The following PIK3C2G variants were observed in gnomAD, a reference collection of about 807,000 sequenced individuals.
PIK3C2G encodes the protein phosphatidylinositol-4-phosphate 3-kinase catalytic subunit type 2 gamma, also known as phosphatidylinositol 3-kinase C2 domain-containing subunit gamma.
A neutral mutation model predicts 181.1 loss-of-function variants in PIK3C2G; 168 were observed. The observed-to-expected ratio is 0.93, with a 90% CI of 0.82 to 1.05. The LOEUF (loss-of-function observed/expected upper bound fraction) is 1.05. Ranked by LOEUF, PIK3C2G falls within the 50% of genes least tolerant of loss-of-function variation. The pLI is 0.00. For synonymous variants in PIK3C2G, 573 were observed against 592.2 expected (o/e 0.97, Z 0.47); for missense variants, 1,869 against 1,732.8 (o/e 1.08, Z -1.40).
the PIK3C2G span, among the ~76,000 whole-genome samples, chr12:18,717,711 T>C: frequency 6.6e-6 from 1 of 152,140 alleles, no homozygotes; most frequent in Non-Finnish European, 1.5e-5. Context: ...AATTTGGTTA[T>C]TGGAATGAAC....
downstream of PIK3C2G, among the ~76,000 whole-genome samples, chr12:18,650,826 CA>C (rs936961910): frequency 2.7e-5 from 4 of 146,924 alleles, no homozygotes; most frequent in Non-Finnish European, 6.0e-5. Flanking sequence ...ATCCAATCAC[CA>C]ACCACTTATC....
intron 6 of PIK3C2G, among the ~76,000 whole-genome samples, chr12:18,317,831 T>G (rs1405861590): frequency 6.6e-6 from 1 of 152,236 alleles, no homozygotes; most frequent in Non-Finnish European, 1.5e-5. Context: ...TCTGTTTAAT[T>G]TCTTCATCAA....
chr12:18,636,038 G>T (rs1949587236), intron 31 of PIK3C2G, among the ~76,000 whole-genome samples: 1 of 152,178 alleles, frequency 6.6e-6, no homozygotes, highest in Non-Finnish European at 1.5e-5. Flanking sequence ...CCTCTGACAT[G>T]CAAAAGTCTC....
At chr12:18,717,780 G>A in the PIK3C2G span, among the ~76,000 whole-genome samples, 1 of 152,046 alleles carries the variant, frequency 6.6e-6, no homozygotes, top group Non-Finnish European at 1.5e-5. Flanking sequence ...AGTCATGTTG[G>A]CTATACCTCC....
intron 5 of PIK3C2G, among the ~76,000 whole-genome samples, chr12:18,296,333 C>T (rs1227549466): frequency 6.6e-6 from 1 of 152,060 alleles, no homozygotes; most frequent in African/African-American, 2.4e-5. Flanking sequence ...AAAAAGAATT[C>T]TGATTTCAGT....
At position 18,282,267 on chromosome 12, in the gene PIK3C2G, C is replaced by CT. The variant is rs1565550462; in HGVS notation, c.192dup (p.Val65CysfsTer16). The CT allele has an allele frequency of 2.8e-5, 45 of 1,613,652 alleles. No individual in the cohort carries two copies. Among genetic ancestry groups the CT allele is most frequent in the Non-Finnish European group, 3.6e-5 (43 of 1,179,712 alleles). ...ACGAGAGTGAAATTGATGAAAACAC[C>CT]TTTTTTGTGCCCACTGCACCAAAAT... On this transcript the variant is annotated frameshift_variant, in exon 2 of 33. Transcript: ENST00000538779. LOFTEE classifies it high-confidence loss of function.
chr12:18,643,237 C>T (rs1949930556), intron 32 of PIK3C2G, among the ~76,000 whole-genome samples: 1 of 152,084 alleles, frequency 6.6e-6, no homozygotes, highest in South Asian at 2.1e-4. Context: ...TAGGTCCTCA[C>T]ACATCCATAA....
At chr12:18,671,115 G>A in the PIK3C2G span, among the ~76,000 whole-genome samples, 1 of 150,490 alleles carries the variant, frequency 6.6e-6, no homozygotes, top group African/African-American at 2.4e-5. Flanking sequence ...AAGTGGAGGT[G>A]ACAGTGATTT....
At chr12:18,261,344 A>C (rs1948226339), upstream of PIK3C2G, among the ~76,000 whole-genome samples, 1 of 152,152 alleles carries the variant, frequency 6.6e-6, no homozygotes, top group African/African-American at 2.4e-5. Context: ...TTTTGGCTTA[A>C]ATCCTCTATT....
intron 11 of PIK3C2G, among the ~76,000 whole-genome samples, chr12:18,359,356 T>A (rs138612242): frequency 1.3e-5 from 2 of 152,346 alleles, no homozygotes; most frequent in East Asian, 3.9e-4. Context: ...ACCTAACATG[T>A]CATCTAGCCT....
intron 12 of PIK3C2G, among the ~76,000 whole-genome samples, chr12:18,363,567 T>C (rs76657997): frequency 0.081 from 12,344 of 152,020 alleles, 707 homozygotes; most frequent in Middle Eastern, 0.17. Context: ...CTCTGCCAGC[T>C]TGCTCTCAGT....
intron 28 of PIK3C2G, among the ~76,000 whole-genome samples, chr12:18,564,791 A>G (rs1019307549): frequency 6.6e-6 from 1 of 152,142 alleles, no homozygotes; most frequent in Non-Finnish European, 1.5e-5. Flanking sequence ...TTCAACATCA[A>G]TGTTTGCCAT....
intron 9 of PIK3C2G, 63 bp downstream of exon 9, chr12:18,338,611 G>T (rs781421703): frequency 8.6e-7 from 1 of 1,157,204 alleles, no homozygotes; most frequent in Non-Finnish European, 1.3e-6. Flanking sequence ...ATTAAGGAGA[G>T]TGAAAGACTT....
the PIK3C2G span, among the ~76,000 whole-genome samples, chr12:18,704,552 C>T: frequency 6.6e-6 from 1 of 152,012 alleles, no homozygotes; most frequent in South Asian, 2.1e-4. Flanking sequence ...GTTGTGAACT[C>T]CTAACCTCAG....
At chr12:18,312,621 G>C (rs760419298) in intron 5 of PIK3C2G, among the ~76,000 whole-genome samples, 1 of 152,046 alleles carries the variant, frequency 6.6e-6, no homozygotes, top group South Asian at 2.1e-4. Flanking sequence ...GAAAAGCAGT[G>C]GCCATGACTT....
the PIK3C2G span, chr12:18,719,723 G>A: frequency 1.2e-6 from 1 of 811,016 alleles, no homozygotes; most frequent in Non-Finnish European, 1.9e-6. Flanking sequence ...TTACTCAGTA[G>A]TAGAGCATAT....
intron 32 of PIK3C2G, 136 bp downstream of exon 32, chr12:18,640,690 A>G: frequency 1.3e-6 from 1 of 788,294 alleles, no homozygotes; most frequent in Non-Finnish European, 2.1e-6. Flanking sequence ...AAGTAGTCGC[A>G]GTATGCTGAT....
At position 18,611,695 on chromosome 12, in the gene PIK3C2G, T is replaced by C. The variant is rs1250368218; in HGVS notation, c.4182+2066T>C. ...AGTAAATAGCACCTTCATTCTCTAG[T>C]TACTCAGGTTAAAAACCTAGAGTCA... is the stretch of plus-strand genomic sequence containing the variant. On this transcript the variant is annotated intron_variant, in intron 31 of 32. Transcript: ENST00000538779. Among the ~76,000 whole-genome samples the C allele has an allele frequency of 2.0e-5, 3 of 152,080 alleles. No homozygotes were observed. In the East Asian group the frequency reaches 5.8e-4, roughly 29 times the overall value.
chr12:18,279,470 C>T (rs913498203), intron 1 of PIK3C2G, among the ~76,000 whole-genome samples: 1 of 151,706 alleles, frequency 6.6e-6, no homozygotes, highest in Non-Finnish European at 1.5e-5. Context: ...TCCTGTGGCT[C>T]CATAAAATTA....
Sources: allele counts gnomAD v4.1 joint callset (sites outside exome capture counted in the v4.1 genomes callset), GRCh38; gene constraint gnomAD v4.1.1; transcripts MANE v1.5; gene names NCBI Gene and HGNC (gene_info 2026-07-23, HGNC 2026-07-21).